CDKL4: variants seen among roughly 807,000 people sequenced by gnomAD.
The protein encoded by CDKL4 is cyclin-dependent kinase-like 4.
CDKL4 carries 44 observed loss-of-function variants against 42.0 expected under a neutral mutation model. The ratio of observed to expected loss-of-function variants is 1.05; its 90% CI spans 0.82 to 1.35. CDKL4 has a LOEUF of 1.35. Ranked by LOEUF, CDKL4 falls within the 40% of genes most tolerant of loss-of-function variation. CDKL4 has a pLI of 0.00. For synonymous variants in CDKL4, 120 were observed against 121.6 expected, an observed-to-expected ratio of 0.99 and a Z score of 0.09; for missense variants, 393 against 369.9, an observed-to-expected ratio of 1.06 and a Z score of -0.51.
exon 7 of CDKL4, chr2:39,187,656 C>T: frequency 6.2e-7 from 1 of 1,612,834 alleles, no homozygotes; most frequent in East Asian, 2.2e-5. Flanking sequence ...ATACTGATGC[C>T]ATGGAAAAAC....
chr2:39,193,525 G>A (rs186416843), intron 5 of CDKL4, among the ~76,000 whole-genome samples: 4 of 151,836 alleles, frequency 2.6e-5, no homozygotes, highest in Non-Finnish European at 5.9e-5. Flanking sequence ...ACAGACATGC[G>A]CCAACATGCC....
chr2:39,180,057 C>T (rs1675346804), intron 8 of CDKL4, among the ~76,000 whole-genome samples: 1 of 152,064 alleles, frequency 6.6e-6, no homozygotes, highest in African/African-American at 2.4e-5. Flanking sequence ...CACTGATACT[C>T]CAGCCAGACA....
chr2:39,245,058 T>G, upstream of CDKL4, among the ~76,000 whole-genome samples: 1 of 152,186 alleles, frequency 6.6e-6, no homozygotes, highest in Non-Finnish European at 1.5e-5. Context: ...CAGCAGGTCG[T>G]GGGTGGGACC....
exon 2 of CDKL4, chr2:39,229,468 C>T (rs1369407036): frequency 6.2e-7 from 1 of 1,613,548 alleles, no homozygotes; most frequent in East Asian, 2.2e-5. Flanking sequence ...GGTTTTGTTT[C>T]TGCATTTGAA....
intron 1 of CDKL4, among the ~76,000 whole-genome samples, chr2:39,232,275 T>C (rs1433703494): frequency 6.6e-6 from 1 of 152,182 alleles, no homozygotes; most frequent in Non-Finnish European, 1.5e-5. Context: ...TATATGTTCA[T>C]GGAAAATGAG....
chr2:39,205,238 T>C (rs1203844855), intron 4 of CDKL4, among the ~76,000 whole-genome samples: 1 of 152,150 alleles, frequency 6.6e-6, no homozygotes, highest in Non-Finnish European at 1.5e-5. Flanking sequence ...ATTATTTCTT[T>C]CACTTTTTGC....
intron 3 of CDKL4, among the ~76,000 whole-genome samples, chr2:39,214,138 G>A (rs1299375981): frequency 6.6e-6 from 1 of 152,010 alleles, no homozygotes; most frequent in Admixed American, 6.6e-5. Flanking sequence ...GGCCAGGCTG[G>A]TCTTGAACTC....
intron 9 of CDKL4, chr2:39,178,741 A>T: frequency 6.2e-7 from 1 of 1,605,810 alleles, no homozygotes; most frequent in Non-Finnish European, 8.5e-7. Context: ...AGCCTAGGAA[A>T]GGCAGACTTA....
intron 5 of CDKL4, among the ~76,000 whole-genome samples, chr2:39,197,644 T>C (rs1272897024): frequency 6.6e-6 from 1 of 152,142 alleles, no homozygotes; most frequent in Non-Finnish European, 1.5e-5. Flanking sequence ...GATTTCTCAG[T>C]AGAAACCCTA....
chr2:39,168,945 C>A, the CDKL4 span, among the ~76,000 whole-genome samples: 1 of 151,994 alleles, frequency 6.6e-6, no homozygotes, highest in African/African-American at 2.4e-5. Context: ...TTAGTAAAGA[C>A]GGGGTTTCAC....
At chr2:39,193,467 C>G (rs1235070347) in intron 5 of CDKL4, among the ~76,000 whole-genome samples, 1 of 151,806 alleles carries the variant, frequency 6.6e-6, no homozygotes, top group Non-Finnish European at 1.5e-5. Context: ...CCTCCACCTC[C>G]CGGGTACATG....
intron 1 of CDKL4, among the ~76,000 whole-genome samples, chr2:39,230,012 T>C (rs1056524534): frequency 6.6e-6 from 1 of 152,212 alleles, no homozygotes; most frequent in African/African-American, 2.4e-5. Flanking sequence ...TAAGAAGACA[T>C]GGTACAAAAA....
At chr2:39,231,084 G>A (rs1402445634) in intron 1 of CDKL4, among the ~76,000 whole-genome samples, 5 of 152,066 alleles carry the variant, frequency 3.3e-5, no homozygotes. Context: ...TGGTGGCACA[G>A]GCCTGTAATC....
At chr2:39,243,449 T>C (rs183723391) in intron 1 of CDKL4, among the ~76,000 whole-genome samples, 1 of 152,188 alleles carries the variant, frequency 6.6e-6, no homozygotes, top group Admixed American at 6.5e-5. Flanking sequence ...TTATACAAAA[T>C]CCGATAAAGT....
intron 7 of CDKL4, among the ~76,000 whole-genome samples, chr2:39,185,453 C>T (rs7588583): frequency 4.0e-5 from 4 of 100,886 alleles, no homozygotes; most frequent in African/African-American, 8.3e-5. Context: ...TGTATATATA[C>T]ATATGTGTAT....
intron 5 of CDKL4, among the ~76,000 whole-genome samples, chr2:39,200,731 A>G (rs2148326592): frequency 6.6e-6 from 1 of 152,290 alleles, no homozygotes; most frequent in African/African-American, 2.4e-5. Context: ...AAAAACATAA[A>G]GTGATGAATG....
upstream of CDKL4, among the ~76,000 whole-genome samples, chr2:39,244,257 T>G (rs926743834): frequency 6.6e-6 from 1 of 152,232 alleles, no homozygotes; most frequent in African/African-American, 2.4e-5. Context: ...CTCCCTCAGC[T>G]TGCAGGGAGC....
intron 3 of CDKL4, among the ~76,000 whole-genome samples, chr2:39,224,023 A>G (rs1307028707): frequency 6.6e-6 from 1 of 152,204 alleles, no homozygotes; most frequent in Non-Finnish European, 1.5e-5. Flanking sequence ...TACATTTATG[A>G]AAGTTTTTTT....
the CDKL4 span, among the ~76,000 whole-genome samples, chr2:39,169,015 A>G: frequency 6.6e-6 from 1 of 152,088 alleles, no homozygotes; most frequent in Non-Finnish European, 1.5e-5. Context: ...TTGCCCTCCC[A>G]AAGTGCTGAG....
Sources: allele counts gnomAD v4.1 joint callset (sites outside exome capture counted in the v4.1 genomes callset), GRCh38; gene constraint gnomAD v4.1.1; transcripts MANE v1.5; gene names NCBI Gene and HGNC (gene_info 2026-07-23, HGNC 2026-07-21).